PRKAR1B: variants seen among roughly 807,000 people sequenced by gnomAD.
The protein encoded by PRKAR1B is protein kinase cAMP-dependent type I regulatory subunit beta.
In PRKAR1B, 22 loss-of-function variants were observed where a neutral mutation model predicts 46.5. That is an observed-to-expected ratio of 0.47 (90% CI 0.34 to 0.68). PRKAR1B has a LOEUF of 0.68. Ranked by LOEUF, PRKAR1B falls within the 30% of genes least tolerant of loss-of-function variation. The probability of loss-of-function intolerance (pLI) is 0.01; values close to 1 mark genes in which losing one functional copy is unlikely to be tolerated. For synonymous variants in PRKAR1B, 259 were observed against 217.7 expected (o/e 1.19, Z -1.67); for missense variants, 445 against 535.6 (o/e 0.83, Z 1.67).
chr7:720,373 C>A (rs1583461491), intron 1 of PRKAR1B, among the ~76,000 whole-genome samples: 1 of 152,302 alleles, frequency 6.6e-6, no homozygotes, highest in Non-Finnish European at 1.5e-5. Flanking sequence ...TGCAAGTCTT[C>A]TACATTTGCT....
At chr7:693,161 C>T (rs942466850) in intron 2 of PRKAR1B, among the ~76,000 whole-genome samples, 1 of 151,690 alleles carries the variant, frequency 6.6e-6, no homozygotes, top group Non-Finnish European at 1.5e-5. Context: ...TCTCGAACTC[C>T]TAACCTCAAG....
chr7:589,161 T>C lies in PRKAR1B; in HGVS notation c.709-4593A>G, dbSNP rs117959011. On this transcript the variant is annotated intron_variant, in intron 7 of 10. Transcript: ENST00000537384. ...AGCCTACCCATGACTCCCCATGCCC[T>C]TGGACTAGTCTTGTCCCCTCTGGTC... is the stretch of plus-strand genomic sequence containing the variant. Among the ~76,000 whole-genome samples the C allele has an allele frequency of 4.0e-4, 61 of 151,544 alleles. No individual in the cohort carries two copies. In the East Asian group the frequency reaches 0.012, roughly 29 times the overall value.
At chr7:617,743 G>A (rs991935665) in intron 4 of PRKAR1B, among the ~76,000 whole-genome samples, 1 of 152,206 alleles carries the variant, frequency 6.6e-6, no homozygotes, top group Admixed American at 6.5e-5. Flanking sequence ...GTGAACCCAA[G>A]GGGTGGCAGC....
chr7:652,486 G>C (rs1284460928), intron 4 of PRKAR1B, among the ~76,000 whole-genome samples: 51 of 130,302 alleles, frequency 3.9e-4, no homozygotes, highest in East Asian at 7.3e-4. Context: ...CCTCTCGGAA[G>C]ACAGTTCACA....
chr7:581,602 T>C (rs1399848998), intron 8 of PRKAR1B, among the ~76,000 whole-genome samples: 2 of 152,376 alleles, frequency 1.3e-5, no homozygotes, highest in South Asian at 2.1e-4. Context: ...ATGCTTACTC[T>C]ATTACATTTG....
chr7:609,060 G>T (rs138640091), intron 4 of PRKAR1B, among the ~76,000 whole-genome samples: 2,122 of 88,960 alleles, frequency 0.024, 158 homozygotes, highest in Middle Eastern at 0.056. Context: ...GGGGTCAGTG[G>T]GTGGCAGGGC....
At chr7:711,602 GA>G (rs1780635438) in intron 1 of PRKAR1B, 75 bp from the exon 2 acceptor site, 1 of 1,335,560 alleles carries the variant, frequency 7.5e-7, no homozygotes, top group African/African-American at 1.5e-5. Context: ...CAGGCGGCGT[GA>G]ACCAGGCTTC....
intron 9 of PRKAR1B, among the ~76,000 whole-genome samples, chr7:566,549 T>TCGCCTC (rs1327039170): frequency 6.6e-6 from 1 of 151,150 alleles, no homozygotes; most frequent in Admixed American, 6.6e-5. Context: ...ACCATCACCA[T>TCGCCTC]CATTGTCATC....
chr7:726,668 C>T, intron 1 of PRKAR1B: 4 of 1,194,166 alleles, frequency 3.3e-6, no homozygotes, highest in Non-Finnish European at 4.2e-6. Flanking sequence ...CCGTAATCTG[C>T]GCTGAGAGTC....
In PRKAR1B at chr7:560,663, G is replaced by T. The variant is rs1046008658; in HGVS notation, c.892-9193C>A. On this transcript the variant is annotated intron_variant, in intron 9 of 10. Coordinates refer to ENST00000537384, the MANE Select transcript of PRKAR1B (RefSeq NM_001164760.2). The surrounding 1 kb of genome is among the most constrained non-coding windows in gnomAD (Gnocchi z 4.2). ...CCTCAGCTCTGCAATGCACCAGCCAGTCTCAGGCAAGGCCCATAGCTGCTC... is the reference window on the plus strand; with the variant it reads ...CCTCAGCTCTGCAATGCACCAGCCATTCTCAGGCAAGGCCCATAGCTGCTC... Among the ~76,000 whole-genome samples, 1 of 152,218 alleles carries T rather than the reference G, an allele frequency of 6.6e-6. No individual in the cohort carries two copies. Among genetic ancestry groups the T allele is most frequent in the Non-Finnish European group, 1.5e-5 (1 of 68,046 alleles).
intron 8 of PRKAR1B, 128 bp from the exon 9 acceptor site, chr7:579,505 G>A: frequency 8.2e-7 from 1 of 1,224,504 alleles, no homozygotes; most frequent in East Asian, 2.4e-5. Flanking sequence ...TCCGTGACCA[G>A]TAAGCTGCAT....
At chr7:554,588 C>T (rs1468460975) in intron 9 of PRKAR1B, among the ~76,000 whole-genome samples, 1 of 151,768 alleles carries the variant, frequency 6.6e-6, no homozygotes. Flanking sequence ...TCCCACAGAG[C>T]CAGAAGACAG....
intron 1 of PRKAR1B, among the ~76,000 whole-genome samples, chr7:721,451 C>G (rs1781068637): frequency 6.6e-6 from 1 of 152,118 alleles, no homozygotes; most frequent in Admixed American, 6.5e-5. Context: ...GAGTTCAAGA[C>G]CAGCCTGACC....
At chr7:641,900 A>G (rs1055639931) in intron 4 of PRKAR1B, among the ~76,000 whole-genome samples, 5 of 151,566 alleles carry the variant, frequency 3.3e-5, no homozygotes, top group African/African-American at 1.2e-4. Context: ...TTATGTATGT[A>G]TTTACTTTTG....
intron 4 of PRKAR1B, among the ~76,000 whole-genome samples, chr7:653,059 G>A (rs979310612): frequency 1.3e-5 from 2 of 152,186 alleles, no homozygotes; most frequent in Non-Finnish European, 2.9e-5. Flanking sequence ...CTGCATGGTG[G>A]CTGGGCGCCA....
chr7:596,454 T>C, intron 6 of PRKAR1B, 150 bp from the exon 7 acceptor site: 2 of 985,152 alleles, frequency 2.0e-6, no homozygotes, highest in South Asian at 3.5e-5. Flanking sequence ...GAGCCCTGCG[T>C]TCCCCAGCAA....
intron 6 of PRKAR1B, 60 bp from the exon 7 acceptor site, chr7:596,364 C>G: frequency 6.5e-7 from 1 of 1,549,952 alleles, no homozygotes; most frequent in African/African-American, 1.3e-5. Context: ...TCCTCTGCAT[C>G]CCATACAGAA....
chr7:600,907 G>A (rs1303649896), intron 6 of PRKAR1B, among the ~76,000 whole-genome samples: 1 of 152,244 alleles, frequency 6.6e-6, no homozygotes, highest in African/African-American at 2.4e-5. Flanking sequence ...TAGAAAAATG[G>A]ATTATAGCTC....
At chr7:657,450 A>G (rs987834429) in intron 4 of PRKAR1B, among the ~76,000 whole-genome samples, 2 of 152,152 alleles carry the variant, frequency 1.3e-5, no homozygotes, top group African/African-American at 4.8e-5. Flanking sequence ...ATTCATGCTG[A>G]CCTCTTCTCC....
Sources: gnomAD v4.1 joint callset for allele counts (sites outside exome capture counted in the v4.1 genomes callset) on GRCh38, gnomAD v4.1.1 for gene constraint, Gnocchi (gnomAD v3.1) non-coding constraint, MANE v1.5 for transcripts, NCBI Gene and HGNC (gene_info 2026-07-23, HGNC 2026-07-21) for gene names.